Variants in MRC1 observed in about 807,000 individuals in gnomAD.
The protein encoded by MRC1 is macrophage mannose receptor 1.
Under a neutral mutation model 102.9 loss-of-function variants are expected in MRC1, and 62 were observed. The ratio of observed to expected loss-of-function variants is 0.60; its 90% CI spans 0.49 to 0.74. The LOEUF (loss-of-function observed/expected upper bound fraction) is 0.74, where lower values mean the gene tolerates loss of function less well. MRC1 is among the 30% of genes least tolerant of loss of function. The pLI, the probability that MRC1 is intolerant of heterozygous loss-of-function variation, is 0.00. For synonymous variants in MRC1, 457 were observed against 298.4 expected, an observed-to-expected ratio of 1.53 and a Z score of -5.48; for missense variants, 1,237 against 862.8, an observed-to-expected ratio of 1.43 and a Z score of -5.43.
intron 1 of MRC1, among the ~76,000 whole-genome samples, chr10:17,817,817 A>G (rs994040795): frequency 6.6e-6 from 1 of 152,218 alleles, no homozygotes; most frequent in Admixed American, 6.5e-5. Context: ...GGTGTGGTTA[A>G]TATTGGTAAA....
rs1406685731 is a variant in MRC1, at chr10:17,849,815, C to A, written c.1249+51C>A. 8.2e-6 allele frequency: 6 copies of A among 734,874 alleles called. No individual in the cohort carries two copies. In the African/African-American group the frequency reaches 8.6e-5, roughly 11 times the overall value. 45.5% of individuals were successfully genotyped at this position (734,874 alleles called of 1,614,324 possible). A position where few individuals can be genotyped will look rare whatever the true frequency, so the allele number is the denominator to read the frequency against. Reference sequence around the variant, plus strand: ...ACTTGGCTTTAATCCTGGGAGCACCCCTTTCTACCCAACTCTGGAAAATTC... The same window carrying A: ...ACTTGGCTTTAATCCTGGGAGCACCACTTTCTACCCAACTCTGGAAAATTC... On this transcript the variant is annotated intron_variant, in intron 7 of 29. Coordinates refer to ENST00000569591, the MANE Select transcript of MRC1 (RefSeq NM_002438.4).
intron 4 of MRC1, among the ~76,000 whole-genome samples, chr10:17,840,205 C>T (rs913453464): frequency 1.3e-5 from 2 of 152,068 alleles, no homozygotes; most frequent in Non-Finnish European, 2.9e-5. Flanking sequence ...TTGATTTCTT[C>T]ACTGCTTAAG....
At chr10:17,876,151 A>C (rs1833433970) in intron 17 of MRC1, among the ~76,000 whole-genome samples, 1 of 152,210 alleles carries the variant, frequency 6.6e-6, no homozygotes, top group Non-Finnish European at 1.5e-5. Flanking sequence ...TCCAAAGGTC[A>C]AGGTAAAGAT....
intron 6 of MRC1, among the ~76,000 whole-genome samples, chr10:17,847,821 A>T (rs1432799310): frequency 6.6e-6 from 1 of 151,998 alleles, no homozygotes; most frequent in Admixed American, 6.6e-5. Context: ...TTTTTGAAGG[A>T]CAGCATTGGC....
chr10:17,856,718 G>A (rs1833098732), intron 9 of MRC1, among the ~76,000 whole-genome samples: 1 of 152,066 alleles, frequency 6.6e-6, no homozygotes, highest in Non-Finnish European at 1.5e-5. Flanking sequence ...ACTATAGTCT[G>A]TCATCCTATG....
At position 17,832,223 on chromosome 10, in the gene MRC1, A is replaced by G. The variant is rs1838585137; in HGVS notation, c.638-1452A>G. ...AAATATCCACCTGCTGAGAAGATGT[A>G]CGTTTATTTTCTTTGCTTCCCCTGC... On this transcript the variant is annotated intron_variant, in intron 3 of 29. Coordinates refer to ENST00000569591, the MANE Select transcript of MRC1 (RefSeq NM_002438.4). 2.0e-5 allele frequency among the ~76,000 whole-genome samples: 3 copies of G among 151,470 alleles called. No individual in the cohort carries two copies. In the South Asian group the frequency reaches 6.2e-4, roughly 31 times the overall value.
intron 2 of MRC1, among the ~76,000 whole-genome samples, chr10:17,825,617 C>T (rs1344395439): frequency 4.6e-5 from 7 of 152,058 alleles, no homozygotes; most frequent in South Asian, 2.1e-4. Flanking sequence ...ACCTGTAGTC[C>T]GAGGTATTCA....
At chr10:17,906,609 A>G (rs1833899342) in intron 26 of MRC1, among the ~76,000 whole-genome samples, 1 of 152,150 alleles carries the variant, frequency 6.6e-6, no homozygotes. Context: ...ACTGAACCAT[A>G]ACTTTTGGAA....
chr10:17,861,300 C>T, intron 9 of MRC1, 87 bp from the exon 10 acceptor site: 1 of 661,486 alleles, frequency 1.5e-6, no homozygotes, highest in Admixed American at 2.4e-5. Flanking sequence ...GCGACAAGAG[C>T]AAAACTGCAT....
chr10:17,853,460 C>A (rs963360915), intron 8 of MRC1, among the ~76,000 whole-genome samples: 1 of 150,894 alleles, frequency 6.6e-6, no homozygotes, highest in Admixed American at 6.6e-5. Flanking sequence ...ATATATCCAC[C>A]AAAGCTCTCA....
intron 22 of MRC1, among the ~76,000 whole-genome samples, chr10:17,888,156 G>A (rs1182866206): frequency 6.6e-6 from 1 of 152,184 alleles, no homozygotes; most frequent in Non-Finnish European, 1.5e-5. Context: ...ATTAAATATA[G>A]TTAGAAAAAG....
At chr10:17,867,281 T>C (rs1833284996) in intron 12 of MRC1, among the ~76,000 whole-genome samples, 1 of 144,990 alleles carries the variant, frequency 6.9e-6, no homozygotes, top group Non-Finnish European at 1.5e-5. Context: ...CCTCTTCTTC[T>C]TCCTTCTTTC....
intron 7 of MRC1, among the ~76,000 whole-genome samples, chr10:17,850,256 G>T (rs1838893722): frequency 6.1e-5 from 8 of 131,504 alleles, no homozygotes; most frequent in East Asian, 2.2e-4. Context: ...AAATATAGGA[G>T]TTTTTTTTTT....
intron 7 of MRC1, among the ~76,000 whole-genome samples, chr10:17,851,772 C>A (rs1309035639): frequency 2.6e-5 from 4 of 152,202 alleles, no homozygotes; most frequent in African/African-American, 9.6e-5. Context: ...AGAAGAGGAT[C>A]ATCCTGGCAG....
intron 1 of MRC1, among the ~76,000 whole-genome samples, chr10:17,820,686 T>TA (rs1448985345): frequency 6.6e-6 from 1 of 151,778 alleles, no homozygotes; most frequent in Non-Finnish European, 1.5e-5. Flanking sequence ...AGTCCAGCTT[T>TA]AAAAAAAACA....
At chr10:17,826,732 C>T (rs1356053862) in intron 2 of MRC1, among the ~76,000 whole-genome samples, 1 of 152,176 alleles carries the variant, frequency 6.6e-6, no homozygotes, top group Non-Finnish European at 1.5e-5. Context: ...AACAATGATT[C>T]TGTGTTTGTT....
At chr10:17,895,460 A>G (rs990197257) in intron 23 of MRC1, among the ~76,000 whole-genome samples, 36 of 152,054 alleles carry the variant, frequency 2.4e-4, no homozygotes, top group African/African-American at 7.7e-4. Context: ...ACCTTTTTTA[A>G]ATGTCAGAAT....
At chr10:17,871,056 A>G in intron 14 of MRC1, 121 bp downstream of exon 14, 1 of 735,290 alleles carries the variant, frequency 1.4e-6, no homozygotes, top group Non-Finnish European at 2.4e-6. Flanking sequence ...CTATCCTGCC[A>G]TGCAAAATTG....
chr10:17,813,701 T>TATATATATATA (rs199643443), intron 1 of MRC1, among the ~76,000 whole-genome samples: 1,072 of 107,152 alleles, frequency 0.01, 6 homozygotes, highest in South Asian at 0.036. Context: ...TATATATATA[T>TATATATATATA]TTTTTTTTTT....
Sources: gnomAD v4.1 joint callset for allele counts (sites outside exome capture counted in the v4.1 genomes callset) on GRCh38, gnomAD v4.1.1 for gene constraint, MANE v1.5 for transcripts, NCBI Gene and HGNC (gene_info 2026-07-23, HGNC 2026-07-21) for gene names.